Variants in ATXN7L1 observed in about 807,000 individuals in gnomAD.
ATXN7L1 encodes the protein ataxin-7-like protein 1.
A neutral mutation model predicts 70.8 loss-of-function variants in ATXN7L1; 15 were observed. The ratio of observed to expected loss-of-function variants is 0.21; its 90% CI spans 0.14 to 0.33. The LOEUF (loss-of-function observed/expected upper bound fraction) is 0.33, where lower values mean the gene tolerates loss of function less well. Among genes scored for constraint, ATXN7L1 ranks in the 10% least tolerant of loss-of-function variants. ATXN7L1 has a pLI of 1.00. For missense variants in ATXN7L1, 975 were observed against 1,097.1 expected (o/e 0.89, Z 1.57); for synonymous variants, 440 against 445.1 (o/e 0.99, Z 0.14).
At chr7:105,780,639 A>C (rs2116462177) in intron 3 of ATXN7L1, among the ~76,000 whole-genome samples, 1 of 151,884 alleles carries the variant, frequency 6.6e-6, no homozygotes, top group Non-Finnish European at 1.5e-5. Flanking sequence ...TTCTGCTGAG[A>C]GGACTAGTGC....
intron 10 of ATXN7L1, chr7:105,613,393 G>T: frequency 1.3e-6 from 1 of 798,732 alleles, no homozygotes; most frequent in Non-Finnish European, 1.5e-6. Flanking sequence ...CCCACTCCCA[G>T]GTGGGACCCT....
chr7:105,758,241 G>A (rs1402666167), intron 3 of ATXN7L1, among the ~76,000 whole-genome samples: 1 of 152,180 alleles, frequency 6.6e-6, no homozygotes, highest in Non-Finnish European at 1.5e-5. Flanking sequence ...AAACCTATCA[G>A]GGCCTTCCAT....
At chr7:105,735,822 A>T (rs972618) in intron 3 of ATXN7L1, among the ~76,000 whole-genome samples, 1 of 151,972 alleles carries the variant, frequency 6.6e-6, no homozygotes, top group East Asian at 1.9e-4. Flanking sequence ...AGGTGGTGTG[A>T]GGTATACAGG....
At chr7:105,822,793 T>C (rs1810346601) in intron 2 of ATXN7L1, among the ~76,000 whole-genome samples, 1 of 152,218 alleles carries the variant, frequency 6.6e-6, no homozygotes, top group Non-Finnish European at 1.5e-5. Context: ...CCCAGTGAGT[T>C]GTTTCTAAGT....
chr7:105,843,948 CA>C (rs1480023584), intron 2 of ATXN7L1, among the ~76,000 whole-genome samples: 1 of 152,170 alleles, frequency 6.6e-6, no homozygotes, highest in Non-Finnish European at 1.5e-5. Flanking sequence ...CCCTTACAAT[CA>C]GATGTCAACT....
At chr7:105,662,076 T>C (rs1801765312) in intron 4 of ATXN7L1, among the ~76,000 whole-genome samples, 1 of 87,660 alleles carries the variant, frequency 1.1e-5, no homozygotes, top group Non-Finnish European at 2.6e-5. Flanking sequence ...CCTTCCTTCC[T>C]TCCTTCTTTC....
chr7:105,637,368 G>A (rs568091422), intron 7 of ATXN7L1, among the ~76,000 whole-genome samples: 8 of 152,138 alleles, frequency 5.3e-5, no homozygotes, highest in East Asian at 1.9e-4. Context: ...TTTGCTACCC[G>A]TTGAGATTCA....
Position 105,614,149 on chromosome 7 carries a change from T to C in ATXN7L1, c.2185A>G (p.Ile729Val). Residue 729 changes from isoleucine to valine, a missense_variant, in exon 10 of 12, where the codon ATA becomes GTA. Coordinates refer to ENST00000419735, the MANE Select transcript of ATXN7L1 (RefSeq NM_020725.2). The surrounding 1 kb of genome is among the most constrained non-coding windows in gnomAD (Gnocchi z 4.3). ...CCCACCGCGCCCACCTGTCTCACTATGTCCGCGGGGCCGCCGGGCAGCGAG... is the reference window on the plus strand; with the variant it reads ...CCCACCGCGCCCACCTGTCTCACTACGTCCGCGGGGCCGCCGGGCAGCGAG... ...RTSLPGGPAD[I>V]VRQVGAVGGS... The C allele has an allele frequency of 1.9e-6, 3 of 1,551,680 alleles. No individual in the cohort carries two copies. Among genetic ancestry groups the C allele is most frequent in the Non-Finnish European group, 2.6e-6 (3 of 1,146,984 alleles).
At chr7:105,857,001 T>C (rs1815839359) in intron 2 of ATXN7L1, among the ~76,000 whole-genome samples, 9 of 152,180 alleles carry the variant, frequency 5.9e-5, no homozygotes, top group Admixed American at 5.9e-4. Context: ...AATTATGAAC[T>C]GTTTCTCTTT....
intron 3 of ATXN7L1, among the ~76,000 whole-genome samples, chr7:105,712,197 G>T (rs1794012822): frequency 6.6e-6 from 1 of 152,240 alleles, no homozygotes; most frequent in Non-Finnish European, 1.5e-5. Flanking sequence ...TGGACTCTGA[G>T]CCTGGCCCAC....
chr7:105,613,278 G>A (rs754604763), intron 10 of ATXN7L1, among the ~76,000 whole-genome samples: 1 of 152,202 alleles, frequency 6.6e-6, no homozygotes, highest in Non-Finnish European at 1.5e-5. Context: ...GGTGACAGTT[G>A]CAGTTTTTCT....
intron 3 of ATXN7L1, among the ~76,000 whole-genome samples, chr7:105,787,073 G>T (rs1214593051): frequency 6.6e-6 from 1 of 152,198 alleles, no homozygotes; most frequent in African/African-American, 2.4e-5. Context: ...CCAGCTGACA[G>T]TTTCTCTTTG....
chr7:105,774,805 G>A (rs1802502193), intron 3 of ATXN7L1, among the ~76,000 whole-genome samples: 1 of 152,078 alleles, frequency 6.6e-6, no homozygotes, highest in Admixed American at 6.5e-5. Flanking sequence ...ATAAAGATGA[G>A]CAGAAAACCA....
At chr7:105,680,045 A>G (rs989634834) in intron 3 of ATXN7L1, among the ~76,000 whole-genome samples, 5 of 151,690 alleles carry the variant, frequency 3.3e-5, no homozygotes, top group Non-Finnish European at 5.9e-5. Flanking sequence ...TATTAAATCA[A>G]CCTTAGATAA....
At chr7:105,800,288 C>T (rs989592893) in intron 2 of ATXN7L1, among the ~76,000 whole-genome samples, 3 of 152,196 alleles carry the variant, frequency 2.0e-5, no homozygotes, top group African/African-American at 7.2e-5. Flanking sequence ...CTTCAGTTTC[C>T]ACCAAATCCT....
rs1360702987 is a variant in ATXN7L1 at position 105,862,668 on chromosome 7, G to A, written c.250+13144C>T. Among the ~76,000 whole-genome samples, 6 of 152,294 alleles carry A rather than the reference G, an allele frequency of 3.9e-5. No homozygotes were observed. In the East Asian group the frequency reaches 7.7e-4, roughly 20 times the overall value. On this transcript the variant is annotated intron_variant, in intron 2 of 11. Transcript: ENST00000419735. ...TAATTAGGAGAGGGGACAGCACTGA[G>A]GAGGAAAGGACTGTCAAGGACTCTT...
intron 3 of ATXN7L1, among the ~76,000 whole-genome samples, chr7:105,787,041 C>T (rs563887866): frequency 1.4e-5 from 2 of 139,772 alleles, no homozygotes; most frequent in South Asian, 4.5e-4. Flanking sequence ...GGATTCTCCA[C>T]CTGTCATCTC....
chr7:105,777,161 T>C (rs1183329364), intron 3 of ATXN7L1, among the ~76,000 whole-genome samples: 1 of 152,148 alleles, frequency 6.6e-6, no homozygotes, highest in Non-Finnish European at 1.5e-5. Context: ...TGCACAGTAA[T>C]CAGTGCTATA....
At chr7:105,831,606 A>AT (rs1811609947) in intron 2 of ATXN7L1, among the ~76,000 whole-genome samples, 1 of 152,214 alleles carries the variant, frequency 6.6e-6, no homozygotes, top group Admixed American at 6.5e-5. Context: ...ATGACAGTAA[A>AT]TTTAATTTTA....
Sources: gnomAD v4.1 joint callset for allele counts (sites outside exome capture counted in the v4.1 genomes callset) on GRCh38, gnomAD v4.1.1 for gene constraint, Gnocchi (gnomAD v3.1) non-coding constraint, MANE v1.5 for transcripts, NCBI Gene and HGNC (gene_info 2026-07-23, HGNC 2026-07-21) for gene names.